Variants in SKP1 observed in about 807,000 individuals in gnomAD.
SKP1 encodes the protein S-phase kinase-associated protein 1.
Under a neutral mutation model 21.5 loss-of-function variants are expected in SKP1, and 1 was observed. The observed-to-expected ratio is 0.05, with a 90% CI of 0.02 to 0.22. The LOEUF (loss-of-function observed/expected upper bound fraction) is 0.22, where lower values mean the gene tolerates loss of function less well. Among genes scored for constraint, SKP1 ranks in the 10% least tolerant of loss-of-function variants. The probability of loss-of-function intolerance (pLI) is 1.00; values close to 1 mark genes in which losing one functional copy is unlikely to be tolerated. For missense variants in SKP1, 70 were observed against 192.0 expected, an observed-to-expected ratio of 0.36 and a Z score of 3.76; for synonymous variants, 59 against 59.3, an observed-to-expected ratio of 0.99 and a Z score of 0.03.
chr5:134,159,748 C>T (rs1761185264), intron 4 of SKP1, among the ~76,000 whole-genome samples: 1 of 152,118 alleles, frequency 6.6e-6, no homozygotes, highest in African/African-American at 2.4e-5. Context: ...GGGGTTTCAC[C>T]ATGTTAGCCA....
rs529338541 is a variant in SKP1 at position 134,155,459 on chromosome 5, T to C, written c.*2274A>G. 6.6e-6 allele frequency: 1 copy of C among 152,324 alleles called. No individual in the cohort carries two copies. The highest frequency in any genetic ancestry group is 2.1e-4 in the South Asian group (1 of 4,830). The allele number at this position is 152,324 out of a possible 1,614,324, so 9.4% of individuals were successfully genotyped here. A position where few individuals can be genotyped will look rare whatever the true frequency, so the allele number is the denominator to read the frequency against. Reference sequence around the variant, plus strand: ...GTCCACAATGGTGAAAAATGGCTTATTTTCTCTTGGATCTCTATTAATGTA... The same window carrying C: ...GTCCACAATGGTGAAAAATGGCTTACTTTCTCTTGGATCTCTATTAATGTA... On this transcript the variant is annotated 3_prime_UTR_variant, in exon 6 of 6. Coordinates refer to ENST00000353411, the MANE Select transcript of SKP1 (RefSeq NM_170679.3).
chr5:134,167,052 T>C (rs1761345872), intron 3 of SKP1, 118 bp downstream of exon 3: 1 of 624,322 alleles, frequency 1.6e-6, no homozygotes, highest in East Asian at 2.8e-5. Context: ...CATTCAAATT[T>C]AAATGTAATT....
intron 5 of SKP1, 184 bp downstream of exon 5, chr5:134,158,271 G>A (rs1761155170): frequency 2.0e-6 from 3 of 1,479,770 alleles, no homozygotes; most frequent in Non-Finnish European, 2.7e-6. Flanking sequence ...TTAAAATGCA[G>A]TATCATCTAA....
At chr5:134,173,497 C>A (rs377329341) in intron 2 of SKP1, 1 of 336,486 alleles carries the variant, frequency 3.0e-6, no homozygotes, top group Non-Finnish European at 5.8e-6. Context: ...TCAAATAAAT[C>A]AATCAATAAA....
chr5:134,161,148 C>A lies in SKP1; in HGVS notation c.172-18G>T, dbSNP rs746655703. On this transcript the variant is annotated intron_variant, in intron 3 of 5. Transcript: ENST00000353411. ...TGAATGACCTACAACAACAAAAGTT[C>A]ATTCCTCTGTGGCACTTTGTCACAA... 3.4e-5 allele frequency: 54 copies of A among 1,576,992 alleles called. No individual in the cohort carries two copies. The South Asian group carries it at 5.5e-4, about 16-fold the overall frequency.
Position 134,154,077 on chromosome 5 carries a change from T to C in SKP1, c.*3656A>G, listed in dbSNP as rs1270902840. The C allele has an allele frequency of 6.6e-6, 1 of 152,222 alleles. No individual in the cohort carries two copies. The highest frequency in any genetic ancestry group is 1.5e-5 in the Non-Finnish European group (1 of 68,032). 9.4% of individuals were successfully genotyped at this position (152,222 alleles called of 1,614,324 possible). A position where few individuals can be genotyped will look rare whatever the true frequency, so the allele number is the denominator to read the frequency against. On this transcript the variant is annotated 3_prime_UTR_variant, in exon 6 of 6. Coordinates refer to ENST00000353411, the MANE Select transcript of SKP1 (RefSeq NM_170679.3). ...AAAATATAAGAACTGTAAAGCAGTA[T>C]CTATTTTGTATACCAAGAATAGATT...
chr5:134,171,106 T>C (rs972374383), intron 2 of SKP1: 1 of 441,992 alleles, frequency 2.3e-6, no homozygotes, highest in African/African-American at 2.0e-5. Flanking sequence ...TACAGGACTT[T>C]AAAGGCCACT....
At chr5:134,174,214 T>G (rs941222555) in intron 1 of SKP1, among the ~76,000 whole-genome samples, 192 bp from the exon 2 acceptor site, 3 of 152,248 alleles carry the variant, frequency 2.0e-5, no homozygotes, top group Non-Finnish European at 2.9e-5. Context: ...ATTAAAATTT[T>G]TTCAAAGTAT....
intron 3 of SKP1, among the ~76,000 whole-genome samples, chr5:134,165,665 T>C (rs966574443): frequency 6.8e-6 from 1 of 146,564 alleles, no homozygotes; most frequent in Admixed American, 6.9e-5. Context: ...GGTGGGCAGA[T>C]CACAAGGTCA....
chr5:134,154,972 G>T lies in SKP1; in HGVS notation c.*2761C>A, dbSNP rs964657467. 3.3e-5 allele frequency: 5 copies of T among 152,098 alleles called. No individual in the cohort carries two copies. The highest frequency in any genetic ancestry group is 1.2e-4 in the African/African-American group (5 of 41,400). 9.4% of individuals were successfully genotyped at this position (152,098 alleles called of 1,614,324 possible). On this transcript the variant is annotated 3_prime_UTR_variant, in exon 6 of 6. Coordinates refer to ENST00000353411, the MANE Select transcript of SKP1 (RefSeq NM_170679.3). ...ATGCCCTGTACCTGCATTTCACAAGGACTTTTCACTTCTGTTACTTATACT... is the reference window on the plus strand; with the variant it reads ...ATGCCCTGTACCTGCATTTCACAAGTACTTTTCACTTCTGTTACTTATACT...
Position 134,152,562 on chromosome 5 carries a change from G to C in SKP1, c.*5171C>G, listed in dbSNP as rs1036688622. The C allele has an allele frequency of 2.0e-5, 3 of 151,622 alleles. No homozygotes were observed. Among genetic ancestry groups the C allele is most frequent in the African/African-American group, 7.3e-5 (3 of 41,234 alleles). 9.4% of individuals were successfully genotyped at this position (151,622 alleles called of 1,614,324 possible). A position where few individuals can be genotyped will look rare whatever the true frequency, so the allele number is the denominator to read the frequency against. ...TCCAGAAACTTTTTTTTTTTGAAAC[G>C]GAGTCTCGCTCTGTCGCCAGGCTGG... On this transcript the variant is annotated 3_prime_UTR_variant, in exon 6 of 6. Coordinates refer to ENST00000353411, the MANE Select transcript of SKP1 (RefSeq NM_170679.3).
At chr5:134,158,098 T>C in intron 5 of SKP1, 1 of 1,412,338 alleles carries the variant, frequency 7.1e-7, no homozygotes, top group South Asian at 1.3e-5. Flanking sequence ...TTTCCTCCCC[T>C]CATTAAGTTG....
intron 2 of SKP1, among the ~76,000 whole-genome samples, chr5:134,167,907 T>TC (rs1761364075): frequency 6.6e-6 from 1 of 152,146 alleles, no homozygotes; most frequent in South Asian, 2.1e-4. Context: ...GGGACTTGAG[T>TC]ATTGGTGGAT....
chr5:134,158,331 T>C (rs1218163680), intron 5 of SKP1, 124 bp downstream of exon 5: 3 of 1,576,762 alleles, frequency 1.9e-6, no homozygotes, highest in African/African-American at 2.7e-5. Flanking sequence ...TAAGACACAT[T>C]AAGTACATAT....
chr5:134,158,423 T>C (rs753058110), intron 5 of SKP1, 32 bp downstream of exon 5: 55 of 1,613,802 alleles, frequency 3.4e-5, no homozygotes, highest in East Asian at 4.5e-5. Flanking sequence ...TTTAAGAGCA[T>C]GTGATCAAAG....
intron 5 of SKP1, 148 bp downstream of exon 5, chr5:134,158,307 A>T (rs1285121356): frequency 6.5e-7 from 1 of 1,535,878 alleles, no homozygotes; most frequent in African/African-American, 1.4e-5. Context: ...AAGACAGAAC[A>T]GTAAGAGTAT....
intron 2 of SKP1, among the ~76,000 whole-genome samples, chr5:134,168,913 G>C (rs1761386211): frequency 2.6e-5 from 4 of 151,988 alleles, no homozygotes; most frequent in Admixed American, 2.0e-4. Context: ...CAGAAATCAA[G>C]AGAAGAAATC....
chr5:134,170,645 T>A (rs978488392), intron 2 of SKP1, among the ~76,000 whole-genome samples: 1 of 152,274 alleles, frequency 6.6e-6, no homozygotes, highest in Non-Finnish European at 1.5e-5. Context: ...TAGAATCTTA[T>A]GTAAGCCATT....
chr5:134,164,838 A>T (rs1421100436), intron 3 of SKP1, among the ~76,000 whole-genome samples: 1 of 152,198 alleles, frequency 6.6e-6, no homozygotes, highest in Non-Finnish European at 1.5e-5. Flanking sequence ...TAAGGTGGTA[A>T]ATTTTGTTAT....
Sources: allele counts gnomAD v4.1 joint callset (sites outside exome capture counted in the v4.1 genomes callset), GRCh38; gene constraint gnomAD v4.1.1; transcripts MANE v1.5; gene names NCBI Gene and HGNC (gene_info 2026-07-23, HGNC 2026-07-21).